RGS6: variants seen among roughly 807,000 people sequenced by gnomAD.
RGS6 encodes the protein regulator of G-protein signaling 6.
RGS6 carries 30 observed loss-of-function variants against 78.5 expected under a neutral mutation model. That is an observed-to-expected ratio of 0.38 (90% CI 0.29 to 0.52). The LOEUF (loss-of-function observed/expected upper bound fraction) is 0.52. Ranked by LOEUF, RGS6 falls within the 20% of genes least tolerant of loss-of-function variation. The pLI is 0.85. For synonymous variants in RGS6, 206 were observed against 206.0 expected, an observed-to-expected ratio of 1.00 and a Z score of 0.00; for missense variants, 495 against 609.7, an observed-to-expected ratio of 0.81 and a Z score of 1.98.
chr14:72,527,956 C>T (rs188253942), intron 15 of RGS6, among the ~76,000 whole-genome samples: 236 of 152,290 alleles, frequency 1.5e-3, no homozygotes, highest in Admixed American at 4.1e-3. Context: ...AGCTCTTGGC[C>T]GCTGTGCAAT....
intron 2 of RGS6, among the ~76,000 whole-genome samples, chr14:72,158,329 A>G (rs1013768540): frequency 6.6e-6 from 1 of 152,158 alleles, no homozygotes; most frequent in Admixed American, 6.5e-5. Context: ...GACACCAGTC[A>G]TATTGGATTA....
intron 13 of RGS6, among the ~76,000 whole-genome samples, chr14:72,496,014 T>C (rs2096639645): frequency 1.6e-5 from 1 of 61,128 alleles, no homozygotes; most frequent in South Asian, 5.3e-4. Context: ...TCCCTTTTCA[T>C]GTCTCTGTCA....
intron 3 of RGS6, among the ~76,000 whole-genome samples, chr14:72,362,319 A>C (rs1277389590): frequency 1.3e-5 from 2 of 152,242 alleles, no homozygotes; most frequent in African/African-American, 2.4e-5. Context: ...TATGTCTAGA[A>C]TATTTCTCTG....
chr14:72,229,324 C>G (rs983789858), intron 2 of RGS6, among the ~76,000 whole-genome samples: 5 of 151,258 alleles, frequency 3.3e-5, no homozygotes, highest in Non-Finnish European at 7.4e-5. Context: ...CTCTCCAGAC[C>G]AGGTCCTGTC....
At chr14:72,528,951 A>G (rs896672188) in intron 15 of RGS6, among the ~76,000 whole-genome samples, 2 of 152,250 alleles carry the variant, frequency 1.3e-5, no homozygotes, top group African/African-American at 2.4e-5. Flanking sequence ...TGTCCCTGGC[A>G]GTGATAAACT....
At chr14:72,031,284 G>A (rs937047550) in intron 2 of RGS6, among the ~76,000 whole-genome samples, 4 of 152,072 alleles carry the variant, frequency 2.6e-5, no homozygotes, top group Non-Finnish European at 2.9e-5. Flanking sequence ...TGGATACTTA[G>A]GAAACATTTC....
chr14:72,026,899 G>T (rs74455122), intron 2 of RGS6, among the ~76,000 whole-genome samples: 11 of 152,290 alleles, frequency 7.2e-5, no homozygotes, highest in South Asian at 2.1e-4. Flanking sequence ...CAGGTGCTAG[G>T]GGGGGCTACT....
chr14:72,177,183 C>T (rs967761718), intron 2 of RGS6, among the ~76,000 whole-genome samples: 2 of 151,896 alleles, frequency 1.3e-5, no homozygotes, highest in African/African-American at 2.4e-5. Context: ...ATGAAACTGC[C>T]GTGAACATCT....
At chr14:71,981,033 CT>C (rs1166463610) in intron 2 of RGS6, among the ~76,000 whole-genome samples, 2 of 147,386 alleles carry the variant, frequency 1.4e-5, no homozygotes, top group African/African-American at 5.0e-5. Context: ...TGCTGATACC[CT>C]TTCTTCCAGT....
At chr14:72,383,213 T>TACATATATAC (rs1555364568) in intron 3 of RGS6, among the ~76,000 whole-genome samples, 1 of 118,338 alleles carries the variant, frequency 8.5e-6, no homozygotes, top group Non-Finnish European at 1.7e-5. Flanking sequence ...TATATATATA[T>TACATATATAC]ACACACAAAC....
chr14:72,348,132 C>T (rs958251644), intron 2 of RGS6, among the ~76,000 whole-genome samples: 9 of 151,624 alleles, frequency 5.9e-5, no homozygotes, highest in Admixed American at 2.0e-4. Context: ...CATTACCTTC[C>T]AGGAGCTGCC....
At chr14:71,914,544 T>A in the RGS6 span, among the ~76,000 whole-genome samples, 4 of 152,192 alleles carry the variant, frequency 2.6e-5, no homozygotes, top group Admixed American at 2.0e-4. Flanking sequence ...AAGTCTTAAC[T>A]CATTCGGGTC....
chr14:72,480,793 C>A (rs755113397), intron 12 of RGS6, among the ~76,000 whole-genome samples: 7 of 152,162 alleles, frequency 4.6e-5, no homozygotes, highest in African/African-American at 7.2e-5. Flanking sequence ...CCTGATCTGG[C>A]TTCCCTGGGC....
At chr14:71,964,105 C>T (rs895703412) in intron 1 of RGS6, among the ~76,000 whole-genome samples, 5 of 151,980 alleles carry the variant, frequency 3.3e-5, no homozygotes, top group Non-Finnish European at 1.5e-5. Flanking sequence ...TTTGATTTCC[C>T]TAATAAAATA....
At position 71,964,681 on chromosome 14, in the gene RGS6, A is replaced by C. The variant is rs1418672175; in HGVS notation, c.-20-91A>C. On this transcript the variant is annotated intron_variant, in intron 1 of 17. Coordinates refer to ENST00000553525, the MANE Select transcript of RGS6 (RefSeq NM_001204424.2). Reference sequence around the variant, plus strand: ...GTAATATCATGTTTTTGTTCATGGCATCTGCCAAAAGTTACTTAATTCTTT... The same window carrying C: ...GTAATATCATGTTTTTGTTCATGGCCTCTGCCAAAAGTTACTTAATTCTTT... The C allele has an allele frequency of 1.4e-5, 12 of 842,410 alleles. No homozygotes were observed. The Admixed American group carries it at 2.8e-4, about 20-fold the overall frequency. The allele number at this position is 842,410 out of a possible 1,614,324, so 52.2% of individuals were successfully genotyped here. A position where few individuals can be genotyped will look rare whatever the true frequency, so the allele number is the denominator to read the frequency against.
At chr14:72,149,051 G>T (rs924925541) in intron 2 of RGS6, among the ~76,000 whole-genome samples, 2 of 152,208 alleles carry the variant, frequency 1.3e-5, no homozygotes, top group Non-Finnish European at 2.9e-5. Context: ...GGCTGGGGTT[G>T]GAATCATAAG....
At chr14:71,951,440 A>C (rs947221711) in intron 1 of RGS6, among the ~76,000 whole-genome samples, 5 of 152,148 alleles carry the variant, frequency 3.3e-5, no homozygotes, top group Admixed American at 2.0e-4. Context: ...CATCAGGAAA[A>C]ATAGCTAATA....
chr14:72,068,498 ATTT>A (rs11330539), intron 2 of RGS6, among the ~76,000 whole-genome samples: 9 of 117,324 alleles, frequency 7.7e-5, no homozygotes, highest in Admixed American at 1.8e-4. Flanking sequence ...CACTCTTCCT[ATTT>A]TTTTTTTTTT....
At chr14:72,311,064 ACTC>A (rs1479915242) in intron 2 of RGS6, among the ~76,000 whole-genome samples, 50 of 152,210 alleles carry the variant, frequency 3.3e-4, no homozygotes, top group African/African-American at 1.0e-3. Context: ...GTGTGCGATC[ACTC>A]TAGCCGAAGA....
Sources: allele counts gnomAD v4.1 joint callset (sites outside exome capture counted in the v4.1 genomes callset), GRCh38; gene constraint gnomAD v4.1.1; transcripts MANE v1.5; gene names NCBI Gene and HGNC (gene_info 2026-07-23, HGNC 2026-07-21).